The following DST variants were observed in gnomAD, a reference collection of about 807,000 sequenced individuals.
DST encodes the protein bullous pemphigoid antigen.
A neutral mutation model predicts 875.2 loss-of-function variants in DST; 253 were observed. The observed-to-expected ratio is 0.29, with a 90% CI of 0.26 to 0.32. The LOEUF (loss-of-function observed/expected upper bound fraction) is 0.32, where lower values mean the gene tolerates loss of function less well. DST is among the 10% of genes least tolerant of loss of function. The probability of loss-of-function intolerance (pLI) is 1.00; values close to 1 mark genes in which losing one functional copy is unlikely to be tolerated. For missense variants in DST, 8,287 were observed against 9,111.6 expected, an observed-to-expected ratio of 0.91 and a Z score of 3.68; for synonymous variants, 3,124 against 3,197.1, an observed-to-expected ratio of 0.98 and a Z score of 0.77.
intron 8 of DST, 141 bp downstream of exon 8, chr6:56,701,747 T>C (rs895601502): frequency 5.4e-6 from 3 of 555,520 alleles, no homozygotes; most frequent in Non-Finnish European, 9.6e-6. Context: ...AAAACATTTT[T>C]AAATATTTGC....
At position 56,529,705 on chromosome 6, in the gene DST, TTAA is replaced by T; in HGVS notation, c.17335_17337del (p.Leu5779del). 7 of 1,613,432 alleles carry T rather than the reference TTAA, an allele frequency of 4.3e-6. No individual in the cohort carries two copies. The highest frequency in any genetic ancestry group is 5.9e-6 in the Non-Finnish European group (7 of 1,179,684). The stretch of plus-strand genomic sequence containing the variant: ...TTATCCTCCCTGGAGCTCAAAACCT[TTAA>T]GGACTGGCCAATGCTAACAGCCTGG... On this transcript the variant is annotated inframe_deletion, in exon 66 of 104. Transcript: ENST00000680361.
intron 94 of DST, 49 bp from the exon 95 acceptor site, chr6:56,471,317 G>A (rs1409406644): frequency 1.4e-6 from 2 of 1,381,728 alleles, no homozygotes; most frequent in African/African-American, 1.4e-5. Context: ...TACTAAAATT[G>A]TAGACTATAC....
At chr6:56,712,085 C>T (rs968359555) in intron 5 of DST, among the ~76,000 whole-genome samples, 7 of 97,998 alleles carry the variant, frequency 7.1e-5, no homozygotes, top group African/African-American at 1.9e-4. Flanking sequence ...AGCGAGACTC[C>T]GTCTCAAAAA....
At chr6:56,899,658 G>A (rs1416680673) in intron 3 of DST, among the ~76,000 whole-genome samples, 3 of 152,130 alleles carry the variant, frequency 2.0e-5, no homozygotes, top group Non-Finnish European at 4.4e-5. Context: ...TAAAATTATT[G>A]CAGTCATAAA....
chr6:56,464,355 G>T (rs2094477636), intron 100 of DST: 1 of 352,384 alleles, frequency 2.8e-6, no homozygotes, highest in East Asian at 5.3e-5. Context: ...TTACCAACAT[G>T]CAATAACAAA....
At position 56,464,635 on chromosome 6, in the gene DST, T is replaced by C. The variant is rs1302027429; in HGVS notation, c.22759+50A>G. The C allele has an allele frequency of 1.6e-5, 21 of 1,294,476 alleles. No homozygotes were observed. In the South Asian group the frequency reaches 2.4e-4, roughly 15 times the overall value. 80.2% of individuals were successfully genotyped at this position (1,294,476 alleles called of 1,614,324 possible). A position where few individuals can be genotyped will look rare whatever the true frequency, so the allele number is the denominator to read the frequency against. The stretch of plus-strand genomic sequence containing the variant: ...AATGACTGAAGCAAGAATGGAAAAG[T>C]AGGAAAGAGAAAAGGAAAGAGGGGA... On this transcript the variant is annotated intron_variant, in intron 100 of 103. Transcript: ENST00000680361.
chr6:56,898,300 C>T (rs1335895838), intron 3 of DST, among the ~76,000 whole-genome samples: 1 of 152,086 alleles, frequency 6.6e-6, no homozygotes, highest in Non-Finnish European at 1.5e-5. Flanking sequence ...TGAAGTTTAC[C>T]AGGCAAACAA....
intron 4 of DST, among the ~76,000 whole-genome samples, chr6:56,767,908 G>C (rs1163376131): frequency 6.6e-6 from 1 of 152,148 alleles, no homozygotes; most frequent in African/African-American, 2.4e-5. Flanking sequence ...ACAGACCTAA[G>C]ACAGGATATG....
In DST at chr6:56,806,192, C is replaced by T. The variant is rs185697706; in HGVS notation, c.625+45205G>A. ...AAATATCATTTTCTCCCCCACTTTC[C>T]CATAAATGAGGCAAAATTTAAAAAT... is the stretch of plus-strand genomic sequence containing the variant. On this transcript the variant is annotated intron_variant, in intron 4 of 103. Transcript: ENST00000680361. Among the ~76,000 whole-genome samples, 59 of 152,220 alleles carry T rather than the reference C, an allele frequency of 3.9e-4. 1 individual carries two copies. The highest frequency in any genetic ancestry group is 3.7e-3 in the Admixed American group (56 of 15,288).
rs188792695 is a variant in DST at position 56,892,862 on chromosome 6, G to A, written c.417+7559C>T. ...GGAGATATTCTAGAACCCTTGATAT[G>A]GGCCTCAAAGAATTCATGGTCTAGG... On this transcript the variant is annotated intron_variant, in intron 3 of 103. Transcript: ENST00000680361. Among the ~76,000 whole-genome samples, 3 of 152,178 alleles carry A rather than the reference G, an allele frequency of 2.0e-5. No homozygotes were observed. The East Asian group carries it at 5.8e-4, about 29-fold the overall frequency.
intron 55 of DST, among the ~76,000 whole-genome samples, chr6:56,568,094 G>A (rs949885572): frequency 6.6e-6 from 1 of 152,012 alleles, no homozygotes; most frequent in Non-Finnish European, 1.5e-5. Flanking sequence ...CAGCTGCCCA[G>A]ACTCATTTCT....
Position 56,855,070 on chromosome 6 carries a change from T to C in DST, c.418-3466A>G, listed in dbSNP as rs543829474. ...CCTACGTCATAATACTTTTTAACAG[T>C]TGGCCTTTTTCATAAATGACCATGA... is the stretch of plus-strand genomic sequence containing the variant. On this transcript the variant is annotated intron_variant, in intron 3 of 103. Coordinates refer to ENST00000680361, the MANE Select transcript of DST (RefSeq NM_001374736.1). 3.9e-4 allele frequency among the ~76,000 whole-genome samples: 59 copies of C among 152,344 alleles called. No homozygotes were observed. In the South Asian group the frequency reaches 0.012, roughly 32 times the overall value.
Position 56,624,604 on chromosome 6 carries a change from T to C in DST, c.4855A>G (p.Thr1619Ala). The C allele has an allele frequency of 6.2e-7, 1 of 1,613,002 alleles. No individual in the cohort carries two copies. Among genetic ancestry groups the C allele is most frequent in the Non-Finnish European group, 8.5e-7 (1 of 1,179,310 alleles). Residue 1619 changes from threonine (T) to alanine (A), a missense_variant, in exon 36 of 104, where the codon ACT (threonine) becomes GCT (alanine). By Grantham distance (58) the Thr-to-Ala change is moderately conservative (BLOSUM62 0). Transcript: ENST00000680361. ...TGTGTCATGAGAGTGACCAGGGCAG[T>C]ATATCGAGTCCTTAGGTCCATGAAC... Reference protein sequence around the residue: ...QEFMDLRTRYTALVTLMTQYI... With the variant: ...QEFMDLRTRYAALVTLMTQYI...
At position 56,553,568 on chromosome 6, in the gene DST, G is replaced by C. The variant is rs757980704; in HGVS notation, c.15224C>G (p.Thr5075Arg). The change falls in exon 61 of 104, where the codon ACA (threonine) becomes AGA (arginine). Residue 5075 changes from threonine to arginine, a missense_variant. Thr to Arg is a moderately conservative substitution (Grantham distance 71). Transcript: ENST00000680361. ...MSRDFQAWLD[T>R]KKEEQNKSHP... Reference sequence around the variant, plus strand: ...AGATTTGTTTTGCTCTTCTTTCTTTGTATCCAGCCAAGCCTGAAAATCTCT... The same window carrying C: ...AGATTTGTTTTGCTCTTCTTTCTTTCTATCCAGCCAAGCCTGAAAATCTCT... The C allele has an allele frequency of 6.2e-7, 1 of 1,613,644 alleles. No individual in the cohort carries two copies. The highest frequency in any genetic ancestry group is 1.3e-5 in the African/African-American group (1 of 74,880).
chr6:56,932,220 T>TG (rs916925176), intron 2 of DST, among the ~76,000 whole-genome samples: 6 of 152,156 alleles, frequency 3.9e-5, no homozygotes, highest in Admixed American at 6.5e-5. Flanking sequence ...GATGGTTTTA[T>TG]GGGGGGTTTC....
chr6:56,830,991 T>G (rs1199607280), intron 4 of DST, among the ~76,000 whole-genome samples: 1 of 152,180 alleles, frequency 6.6e-6, no homozygotes, highest in African/African-American at 2.4e-5. Context: ...GTCAATGCAA[T>G]CATGGAAGCC....
intron 3 of DST, among the ~76,000 whole-genome samples, chr6:56,862,657 C>A (rs1187435049): frequency 6.6e-6 from 1 of 152,084 alleles, no homozygotes; most frequent in Non-Finnish European, 1.5e-5. Context: ...AGGGATCACA[C>A]TCAGACAAGA....
chr6:56,511,716 A>AT (rs111602093), intron 72 of DST, among the ~76,000 whole-genome samples: 5,300 of 152,284 alleles, frequency 0.035, 112 homozygotes, highest in Non-Finnish European at 0.043. Flanking sequence ...GCCTAGGGTC[A>AT]TATTATATAA....
chr6:56,864,991 C>T (rs1257825330), intron 3 of DST, among the ~76,000 whole-genome samples: 1 of 152,128 alleles, frequency 6.6e-6, no homozygotes, highest in Non-Finnish European at 1.5e-5. Flanking sequence ...GTCATTTATG[C>T]TTCAGTATGA....
Sources: gnomAD v4.1 joint callset for allele counts (sites outside exome capture counted in the v4.1 genomes callset) on GRCh38, gnomAD v4.1.1 for gene constraint, MANE v1.5 for transcripts, NCBI Gene and HGNC (gene_info 2026-07-23, HGNC 2026-07-21) for gene names.